JARID2: variants seen among roughly 807,000 people sequenced by gnomAD.
The protein encoded by JARID2 is jumonji and AT-rich interaction domain containing 2.
A neutral mutation model predicts 125.6 loss-of-function variants in JARID2; 21 were observed. That is an observed-to-expected ratio of 0.17 (90% CI 0.12 to 0.24). The LOEUF is 0.24. JARID2 is among the 10% of genes least tolerant of loss of function. The probability of loss-of-function intolerance (pLI) is 1.00; values close to 1 mark genes in which losing one functional copy is unlikely to be tolerated. For synonymous variants in JARID2, 736 were observed against 661.6 expected, an observed-to-expected ratio of 1.11 and a Z score of -1.73; for missense variants, 1,303 against 1,639.6, an observed-to-expected ratio of 0.79 and a Z score of 3.55.
rs985788611 is a variant in JARID2 at position 15,309,838 on chromosome 6, G to A, written c.45+63254G>A. Reference sequence around the variant, plus strand: ...GCCAGTAGTGTGTTCCAAAGTGAAAGTGGAAAGCCCAGAGGTGAGAAGTGG... The same window carrying A: ...GCCAGTAGTGTGTTCCAAAGTGAAAATGGAAAGCCCAGAGGTGAGAAGTGG... On this transcript the variant is annotated intron_variant, in intron 1 of 17. Transcript: ENST00000341776. 2.0e-5 allele frequency among the ~76,000 whole-genome samples: 3 copies of A among 152,260 alleles called. No individual in the cohort carries two copies. In the South Asian group the frequency reaches 6.2e-4, roughly 32 times the overall value.
Position 15,512,216 on chromosome 6 carries a change from G to A in JARID2, c.2961G>A (p.Pro987=), listed in dbSNP as rs981598971. 80 of 1,613,832 alleles carry A rather than the reference G, an allele frequency of 5.0e-5. No homozygotes were observed. Among genetic ancestry groups the A allele is most frequent in the Non-Finnish European group, 6.2e-5 (73 of 1,179,922 alleles). The part of the protein sequence containing the change: ...QMLESNVMIS[P]EVLCKEGIKV... ...TGGCCCTGTCTCCCCAGATCTCCCC[G>A]GAGGTGCTGTGCAAAGAGGGGATCA... Residue 987 remains proline (P), a synonymous_variant, in exon 14 of 18, where the codon CCG becomes CCA. Coordinates refer to ENST00000341776, the MANE Select transcript of JARID2 (RefSeq NM_004973.4).
At chr6:15,265,366 TAAA>T (rs11291217) in intron 1 of JARID2, among the ~76,000 whole-genome samples, 2 of 143,272 alleles carry the variant, frequency 1.4e-5, no homozygotes, top group Admixed American at 7.0e-5. Context: ...AGGTTTGCAT[TAAA>T]AAAAAAAAAA....
intron 5 of JARID2, among the ~76,000 whole-genome samples, chr6:15,472,862 G>A (rs540776078): frequency 7.2e-5 from 11 of 152,332 alleles, no homozygotes; most frequent in South Asian, 2.1e-4. Context: ...CTTCAGCAGC[G>A]TCATAGGGAA....
intron 1 of JARID2, among the ~76,000 whole-genome samples, chr6:15,345,388 A>T (rs1043921555): frequency 6.6e-6 from 1 of 152,214 alleles, no homozygotes; most frequent in East Asian, 1.9e-4. Flanking sequence ...GTTGCACCTC[A>T]GCTAGAGAAC....
chr6:15,424,261 C>T (rs578249988), intron 3 of JARID2, among the ~76,000 whole-genome samples: 31 of 152,066 alleles, frequency 2.0e-4, no homozygotes, highest in South Asian at 1.7e-3. Context: ...AGCCACTGTG[C>T]CTGGCCATTG....
chr6:15,357,131 A>G (rs1763631834), intron 1 of JARID2, among the ~76,000 whole-genome samples: 1 of 152,234 alleles, frequency 6.6e-6, no homozygotes, highest in Admixed American at 6.5e-5. Context: ...ACGAAGCCTT[A>G]CTGGCAAGAC....
chr6:15,443,865 CACCACTACTCTTTTGCTTGT>C (rs964048852), intron 3 of JARID2, among the ~76,000 whole-genome samples: 1 of 152,160 alleles, frequency 6.6e-6, no homozygotes, highest in African/African-American at 2.4e-5. Context: ...GGTTTTGTGA[CACCACTACTCTTTTGCTTGT>C]ACCACTGACC....
chr6:15,461,658 T>A (rs970821512), intron 4 of JARID2, among the ~76,000 whole-genome samples: 2 of 152,228 alleles, frequency 1.3e-5, no homozygotes, highest in African/African-American at 4.8e-5. Flanking sequence ...ATGGAAAGAA[T>A]GACAGTATGA....
intron 3 of JARID2, among the ~76,000 whole-genome samples, chr6:15,448,618 AG>A (rs1767779762): frequency 6.6e-6 from 1 of 152,242 alleles, no homozygotes; most frequent in Non-Finnish European, 1.5e-5. Flanking sequence ...ATTAAAAACC[AG>A]CAATTTTTCT....
Position 15,501,602 on chromosome 6 carries a change from C to T in JARID2, c.2448+193C>T, listed in dbSNP as rs148661505. On this transcript the variant is annotated intron_variant, in intron 8 of 17. Transcript: ENST00000341776. ...CTGAAATACTACAGACTGGGGAATT[C>T]ATAATAAACAGAAATGTACTGGCTC... 4.3e-3 allele frequency among the ~76,000 whole-genome samples: 657 copies of T among 152,226 alleles called. 6 individuals are homozygous for T. Among genetic ancestry groups the T allele is most frequent in the Admixed American group, 0.024 (373 of 15,300 alleles).
At chr6:15,493,102 C>G (rs1485891447) in intron 6 of JARID2, among the ~76,000 whole-genome samples, 2 of 152,018 alleles carry the variant, frequency 1.3e-5, no homozygotes, top group Non-Finnish European at 1.5e-5. Flanking sequence ...GCCATGAACT[C>G]AGGTGCCCCC....
intron 2 of JARID2, among the ~76,000 whole-genome samples, chr6:15,403,458 C>CCCAA: frequency 6.6e-6 from 1 of 152,128 alleles, no homozygotes; most frequent in African/African-American, 2.4e-5. Context: ...GTTCTGCTTA[C>CCCAA]CTCTTCCTCT....
rs1437199477 is a variant in JARID2, at chr6:15,500,935, T to A, written c.1974T>A (p.Phe658Leu). Residue 658 changes from phenylalanine (F) to leucine (L), a missense_variant, in exon 8 of 18, where the codon TTT (phenylalanine) becomes TTA (leucine). Transcript: ENST00000341776. ...GCTGTGAGCTCGACCTGGCCTGCTT[T>A]TTCCGGCTGATTAATGAGATGGGCG... ...IGGCELDLAC[F>L]FRLINEMGGM... 1.2e-6 allele frequency: 2 copies of A among 1,612,106 alleles called. No homozygotes were observed. The highest frequency in any genetic ancestry group is 8.5e-7 in the Non-Finnish European group (1 of 1,178,768).
intron 3 of JARID2, among the ~76,000 whole-genome samples, chr6:15,436,065 C>G (rs1020364429): frequency 6.6e-5 from 10 of 152,084 alleles, no homozygotes; most frequent in African/African-American, 2.2e-4. Context: ...ACAGCAGTCT[C>G]TAGGGGTGAA....
intron 3 of JARID2, among the ~76,000 whole-genome samples, chr6:15,418,322 C>G (rs1766330852): frequency 6.6e-6 from 1 of 150,740 alleles, no homozygotes; most frequent in Admixed American, 6.6e-5. Context: ...GAGTTCAAGC[C>G]ATTCCATGCC....
At chr6:15,393,387 C>G (rs1432788351) in intron 2 of JARID2, among the ~76,000 whole-genome samples, 1 of 152,216 alleles carries the variant, frequency 6.6e-6, no homozygotes, top group Non-Finnish European at 1.5e-5. Flanking sequence ...TTTCCCTTAG[C>G]TCCACGTAAA....
At chr6:15,261,044 A>G (rs1302772865) in intron 1 of JARID2, among the ~76,000 whole-genome samples, 2 of 152,206 alleles carry the variant, frequency 1.3e-5, no homozygotes, top group Non-Finnish European at 2.9e-5. Flanking sequence ...AATAATGATG[A>G]TTATAAAGAA....
At chr6:15,262,788 A>G (rs908622050) in intron 1 of JARID2, among the ~76,000 whole-genome samples, 27 of 152,126 alleles carry the variant, frequency 1.8e-4, no homozygotes, top group African/African-American at 5.8e-4. Flanking sequence ...TCGGCCACCC[A>G]AAGTGCTGGG....
intron 3 of JARID2, among the ~76,000 whole-genome samples, chr6:15,412,226 G>A (rs192693518): frequency 4.7e-4 from 71 of 152,210 alleles, no homozygotes; most frequent in Non-Finnish European, 8.1e-4. Flanking sequence ...TAGATTTTGG[G>A]GATGGGCTGG....
Sources: gnomAD v4.1 joint callset for allele counts (sites outside exome capture counted in the v4.1 genomes callset) on GRCh38, gnomAD v4.1.1 for gene constraint, MANE v1.5 for transcripts, NCBI Gene and HGNC (gene_info 2026-07-23, HGNC 2026-07-21) for gene names.